Variants in BYSL observed in about 807,000 individuals in gnomAD.
BYSL encodes bystin.
A neutral mutation model predicts 45.4 loss-of-function variants in BYSL; 21 were observed. That is an observed-to-expected ratio of 0.46 (90% CI 0.33 to 0.67). The LOEUF is 0.67. Among genes scored for constraint, BYSL ranks in the 30% least tolerant of loss-of-function variants. The pLI is 0.02. For missense variants in BYSL, 522 were observed against 578.5 expected (o/e 0.90, Z 1.00); for synonymous variants, 215 against 231.3 (o/e 0.93, Z 0.64).
At position 41,930,667 on chromosome 6, in the gene BYSL, C is replaced by G; in HGVS notation, c.603C>G (p.Pro201=). The change falls in exon 4 of 7, where the codon CCC becomes CCG. Residue 201 remains proline, a synonymous_variant. Coordinates refer to ENST00000230340, the MANE Select transcript of BYSL (RefSeq NM_004053.4). ...VLSKYRSGKL[P]KAFKIIPALS... ...CTAAGTACCGCAGTGGAAAACTGCC[C>G]AAGGCATTTAAGATCATCCCTGCAC... is the stretch of plus-strand genomic sequence containing the variant. 6.2e-7 allele frequency: 1 copy of G among 1,613,536 alleles called. No homozygotes were observed. The highest frequency in any genetic ancestry group is 8.5e-7 in the Non-Finnish European group (1 of 1,179,810).
At position 41,931,781 on chromosome 6, in the gene BYSL, A is replaced by G. The variant is rs750026698; in HGVS notation, c.919A>G (p.Ile307Val). 26 of 1,613,942 alleles carry G rather than the reference A, an allele frequency of 1.6e-5. No homozygotes were observed. Among genetic ancestry groups the G allele is most frequent in the Non-Finnish European group, 1.9e-5 (23 of 1,180,016 alleles). Residue 307 changes from isoleucine to valine, a missense_variant, in exon 6 of 7, where the codon ATT (isoleucine) becomes GTT (valine). Physicochemically the swap from Ile to Val is conservative, Grantham distance 29 (BLOSUM62 3). Transcript: ENST00000230340. ...SGTCTLREAI[I>V]VGSIITKCSI... The stretch of plus-strand genomic sequence containing the variant: ...CACTTGTACCCTCCGGGAAGCCATC[A>G]TTGTGGGTAGCATCATCACCAAGTG...
At chr6:41,919,061 G>A (rs1490487016), upstream of BYSL, among the ~76,000 whole-genome samples, 5 of 149,654 alleles carry the variant, frequency 3.3e-5, no homozygotes, top group Admixed American at 2.0e-4. Context: ...CCCGGGAGGC[G>A]GAGCTTGCAG....
the BYSL span, chr6:41,909,557 C>A: frequency 6.2e-7 from 1 of 1,604,772 alleles, no homozygotes; most frequent in Non-Finnish European, 8.5e-7. Flanking sequence ...ATCATCAAGA[C>A]TTTCACTGGC....
chr6:41,917,761 G>A (rs1208128459), upstream of BYSL: 1 of 471,182 alleles, frequency 2.1e-6, no homozygotes, highest in African/African-American at 2.0e-5. Flanking sequence ...CTACATCAAG[G>A]GAAAAGTCTC....
At chr6:41,909,945 C>T in the BYSL span, among the ~76,000 whole-genome samples, 1 of 152,074 alleles carries the variant, frequency 6.6e-6, no homozygotes, top group African/African-American at 2.4e-5. Context: ...AGTAGCTGCT[C>T]CCTTCTTCTG....
At chr6:41,918,734 T>C (rs981756498), upstream of BYSL, among the ~76,000 whole-genome samples, 1 of 144,228 alleles carries the variant, frequency 6.9e-6, no homozygotes, top group Non-Finnish European at 1.5e-5. Flanking sequence ...GATCATGAGG[T>C]CAGGAGATCG....
At chr6:41,922,392 C>T (rs1021440143) in intron 1 of BYSL, among the ~76,000 whole-genome samples, 1 of 152,146 alleles carries the variant, frequency 6.6e-6, no homozygotes, top group African/African-American at 2.4e-5. Flanking sequence ...AGCCAAAGAG[C>T]GAGAGAGATG....
At chr6:41,919,870 C>T (rs1330184950), upstream of BYSL, among the ~76,000 whole-genome samples, 1 of 152,196 alleles carries the variant, frequency 6.6e-6, no homozygotes, top group Admixed American at 6.5e-5. Flanking sequence ...ACAGGAGGAT[C>T]GTGTCAATCG....
chr6:41,917,601 G>T, upstream of BYSL: 1 of 364,962 alleles, frequency 2.7e-6, no homozygotes. Flanking sequence ...CAGTTCTCAG[G>T]ATTCTCGCAC....
upstream of BYSL, among the ~76,000 whole-genome samples, chr6:41,920,600 C>T (rs1775435794): frequency 6.6e-6 from 1 of 151,994 alleles, no homozygotes; most frequent in African/African-American, 2.4e-5. Flanking sequence ...TATGGTGAAA[C>T]CCCATTTCTA....
At chr6:41,913,465 T>C in the BYSL span, among the ~76,000 whole-genome samples, 1 of 152,212 alleles carries the variant, frequency 6.6e-6, no homozygotes, top group Non-Finnish European at 1.5e-5. Context: ...TATCCAAATG[T>C]TTTATTACCC....
the BYSL span, chr6:41,909,092 T>C: frequency 1.3e-6 from 1 of 771,086 alleles, no homozygotes; most frequent in Non-Finnish European, 2.1e-6. Context: ...AAGGATCACT[T>C]GAGCCCTGGA....
upstream of BYSL, among the ~76,000 whole-genome samples, chr6:41,918,278 C>CA (rs1473389957): frequency 6.7e-6 from 1 of 149,616 alleles, no homozygotes. Context: ...CCGAGGTGGG[C>CA]GGATCACTTG....
rs569705603 is a variant in BYSL, at chr6:41,921,937, C to T, written c.268+107C>T. Reference sequence around the variant, plus strand: ...AATTGCTTCGAGTCAACAAAGGGGTCCGTATTACACTTGCAAAGGAGACTG... The same window carrying T: ...AATTGCTTCGAGTCAACAAAGGGGTTCGTATTACACTTGCAAAGGAGACTG... On this transcript the variant is annotated intron_variant, in intron 1 of 6. Coordinates refer to ENST00000230340, the MANE Select transcript of BYSL (RefSeq NM_004053.4). 21 of 1,408,746 alleles carry T rather than the reference C, an allele frequency of 1.5e-5. No homozygotes were observed. The Admixed American group carries it at 4.2e-4, about 28-fold the overall frequency. 87.3% of individuals were successfully genotyped at this position (1,408,746 alleles called of 1,614,324 possible).
the BYSL span, among the ~76,000 whole-genome samples, chr6:41,911,063 C>T: frequency 2.7e-5 from 4 of 149,520 alleles, no homozygotes; most frequent in Non-Finnish European, 5.9e-5. Context: ...GAGCCGAGAT[C>T]GTGCCACTGC....
chr6:41,925,830 G>T (rs1775556683), intron 1 of BYSL, among the ~76,000 whole-genome samples: 1 of 152,040 alleles, frequency 6.6e-6, no homozygotes, highest in Non-Finnish European at 1.5e-5. Context: ...GGGATTATAG[G>T]CATGCGCCAC....
At chr6:41,919,800 G>A (rs1439575037), upstream of BYSL, among the ~76,000 whole-genome samples, 2 of 152,130 alleles carry the variant, frequency 1.3e-5, no homozygotes, top group Non-Finnish European at 2.9e-5. Context: ...AGGGTTCCAG[G>A]GTTCTACGCT....
Position 41,927,426 on chromosome 6 carries a change from C to T in BYSL, c.321C>T (p.Thr107=). Residue 107 remains threonine (T), a synonymous_variant, in exon 2 of 7, where the codon ACC becomes ACT. Transcript: ENST00000230340. ...GSDDEDEEWP[T]LEKAATMTAA... The stretch of plus-strand genomic sequence containing the variant: ...ATGACGAGGACGAGGAGTGGCCCAC[C>T]CTGGAGAAGGCTGCCACAATGACAG... 2 of 1,614,132 alleles carry T rather than the reference C, an allele frequency of 1.2e-6. No individual in the cohort carries two copies. The highest frequency in any genetic ancestry group is 1.1e-5 in the South Asian group (1 of 91,082).
chr6:41,925,160 C>CCTCT (rs1219010018), intron 1 of BYSL, among the ~76,000 whole-genome samples: 1 of 152,104 alleles, frequency 6.6e-6, no homozygotes, highest in Non-Finnish European at 1.5e-5. Flanking sequence ...GAACCACCTA[C>CCTCT]AAAGTACAAA....
Sources: gnomAD v4.1 joint callset for allele counts (sites outside exome capture counted in the v4.1 genomes callset) on GRCh38, gnomAD v4.1.1 for gene constraint, MANE v1.5 for transcripts, NCBI Gene and HGNC (gene_info 2026-07-23, HGNC 2026-07-21) for gene names.